REXO2: variants seen among roughly 807,000 people sequenced by gnomAD.
REXO2 encodes the protein oligoribonuclease, mitochondrial.
A neutral mutation model predicts 30.9 loss-of-function variants in REXO2; 17 were observed. That is an observed-to-expected ratio of 0.55 (90% CI 0.38 to 0.82). The LOEUF (loss-of-function observed/expected upper bound fraction) is 0.82. Ranked by LOEUF, REXO2 falls within the 40% of genes least tolerant of loss-of-function variation. The probability of loss-of-function intolerance (pLI) is 0.00; values close to 1 mark genes in which losing one functional copy is unlikely to be tolerated. For missense variants in REXO2, 253 were observed against 293.2 expected, an observed-to-expected ratio of 0.86 and a Z score of 1.00; for synonymous variants, 105 against 99.6, an observed-to-expected ratio of 1.05 and a Z score of -0.32.
At chr11:114,445,209 T>C (rs1946504285) in intron 4 of REXO2, 2 of 152,226 alleles carry the variant, frequency 1.3e-5, no homozygotes, top group African/African-American at 4.8e-5. Flanking sequence ...CATTTAGTTA[T>C]ATTTCTTTAG....
At chr11:114,444,285 A>G in intron 3 of REXO2, 1 of 622,614 alleles carries the variant, frequency 1.6e-6, no homozygotes, top group Non-Finnish European at 3.0e-6. Flanking sequence ...AGAGGTTAAT[A>G]TCCTTGGACT....
At position 114,439,472 on chromosome 11, in the gene REXO2, T is replaced by C; in HGVS notation, c.-57T>C. The stretch of plus-strand genomic sequence containing the variant: ...GTGGGTTTGCGACGTTTAGCGACTA[T>C]TGCGCCTGCGCCAGCGCCGGCTGCG... On this transcript the variant is annotated 5_prime_UTR_variant, in exon 1 of 7. Coordinates refer to ENST00000265881, the MANE Select transcript of REXO2 (RefSeq NM_015523.4). 1.9e-6 allele frequency: 3 copies of C among 1,587,840 alleles called. No individual in the cohort carries two copies. Among genetic ancestry groups the C allele is most frequent in the Admixed American group, 1.7e-5 (1 of 57,992 alleles).
intron 6 of REXO2, among the ~76,000 whole-genome samples, chr11:114,449,433 A>G (rs1232152875): frequency 1.1e-5 from 1 of 92,046 alleles, no homozygotes; most frequent in East Asian, 3.5e-4. Context: ...TAATTTTAGA[A>G]AATTAATAAA....
intron 5 of REXO2, among the ~76,000 whole-genome samples, chr11:114,447,109 T>A (rs901086575): frequency 1.3e-5 from 2 of 151,972 alleles, no homozygotes; most frequent in African/African-American, 4.8e-5. Context: ...CGGCTAATTT[T>A]TTGTATTTTT....
Position 114,443,892 on chromosome 11 carries a change from C to T in REXO2, c.268C>T (p.Leu90=), listed in dbSNP as rs778185959. ...NLIIKQPDEL[L]DSMSDWCKEH... is the part of the protein sequence containing the mutation. Reference sequence around the variant, plus strand: ...GATTATAAAACAACCAGATGAGTTGCTGGACAGCATGTCAGATTGGTGTAA... The same window carrying T: ...GATTATAAAACAACCAGATGAGTTGTTGGACAGCATGTCAGATTGGTGTAA... Residue 90 remains leucine, a synonymous_variant, in exon 3 of 7, where the codon CTG becomes TTG. Transcript: ENST00000265881. The T allele has an allele frequency of 1.9e-6, 3 of 1,609,542 alleles. No individual in the cohort carries two copies. Among genetic ancestry groups the T allele is most frequent in the Non-Finnish European group, 2.5e-6 (3 of 1,177,960 alleles).
chr11:114,439,552 C>T lies in REXO2; in HGVS notation c.24C>T (p.Ser8=), dbSNP rs1247437689. Residue 8 remains serine, a synonymous_variant, in exon 1 of 7, where the codon TCC becomes TCT. Transcript: ENST00000265881. MLGGSLG[S]RLLRGVGGSH... ...TGATGCTAGGCGGCTCCCTGGGCTC[C>T]AGGCTGTTGCGGGGTGTAGGTGGGA... The T allele has an allele frequency of 6.2e-7, 1 of 1,608,836 alleles. No homozygotes were observed.
intron 2 of REXO2, 153 bp downstream of exon 2, chr11:114,440,892 C>T: frequency 2.0e-6 from 1 of 501,766 alleles, no homozygotes; most frequent in Non-Finnish European, 3.5e-6. Flanking sequence ...GGTACTAGAA[C>T]CAAAGTAATC....
At chr11:114,448,480 C>G (rs1201600385) in intron 6 of REXO2, among the ~76,000 whole-genome samples, 1 of 152,124 alleles carries the variant, frequency 6.6e-6, no homozygotes, top group Non-Finnish European at 1.5e-5. Flanking sequence ...GTACCTTGCA[C>G]AGTTATAGGC....
intron 1 of REXO2, 102 bp downstream of exon 1, chr11:114,439,777 A>G (rs1946462340): frequency 1.5e-6 from 2 of 1,354,712 alleles, no homozygotes; most frequent in Admixed American, 3.0e-5. Context: ...TCTGGGTCTC[A>G]GGTGTGGCAG....
intron 2 of REXO2, chr11:114,442,018 G>A (rs1454261743): frequency 1.4e-5 from 7 of 492,556 alleles, no homozygotes; most frequent in Non-Finnish European, 2.1e-5. Context: ...CCTTTAGACT[G>A]TTGATATAAT....
rs552056184 is a variant in REXO2, at chr11:114,441,096, T to G, written c.231+357T>G. The G allele has an allele frequency of 1.8e-4, 32 of 173,746 alleles. No homozygotes were observed. In the East Asian group the frequency reaches 4.5e-3, roughly 24 times the overall value. The allele number at this position is 173,746 out of a possible 1,614,324, so 10.8% of individuals were successfully genotyped here. On this transcript the variant is annotated intron_variant, in intron 2 of 6. Transcript: ENST00000265881. Reference sequence around the variant, plus strand: ...GTTAGTTATTGTTATAATGCTCATTTGATGGATGAGGACACTTGAGCATAG... The same window carrying G: ...GTTAGTTATTGTTATAATGCTCATTGGATGGATGAGGACACTTGAGCATAG...
chr11:114,439,739 C>G, intron 1 of REXO2, 64 bp downstream of exon 1: 1 of 1,429,042 alleles, frequency 7.0e-7, no homozygotes, highest in Non-Finnish European at 9.1e-7. Flanking sequence ...ACCGAGGAGT[C>G]GAGCCCGTCC....
intron 3 of REXO2, chr11:114,444,193 A>G (rs551041856): frequency 2.4e-5 from 15 of 614,840 alleles, no homozygotes; most frequent in South Asian, 2.3e-4. Flanking sequence ...AGTATTACTC[A>G]AGTCAGTCTT....
chr11:114,449,940 A>T lies in REXO2; in HGVS notation c.679A>T (p.Ile227Leu). ...AATAGATGAAAAGAAGAGGAAAATT[A>T]TAGAAAATGGGGAAAATGAGAAGAC... Reference protein sequence around the residue: ...KKIDEKKRKIIENGENEKTVS With the variant: ...KKIDEKKRKILENGENEKTVS Residue 227 changes from isoleucine (I) to leucine (L), a missense_variant, in exon 7 of 7, where the codon ATA becomes TTA. By Grantham distance (5) the Ile-to-Leu change is conservative. Transcript: ENST00000265881. 3 of 1,609,236 alleles carry T rather than the reference A, an allele frequency of 1.9e-6. No individual in the cohort carries two copies. Among genetic ancestry groups the T allele is most frequent in the Non-Finnish European group, 2.5e-6 (3 of 1,177,428 alleles).
At chr11:114,449,239 G>A (rs1356118924) in intron 6 of REXO2, 1 of 152,200 alleles carries the variant, frequency 6.6e-6, no homozygotes, top group Non-Finnish European at 1.5e-5. Context: ...GTATGGTTAG[G>A]TACTGTTTGA....
chr11:114,449,603 T>G (rs1300869031), intron 6 of REXO2, among the ~76,000 whole-genome samples: 1 of 152,140 alleles, frequency 6.6e-6, no homozygotes, highest in Non-Finnish European at 1.5e-5. Flanking sequence ...TCGCCATCTT[T>G]TGGAACAATT....
chr11:114,439,964 T>C (rs1435343925), intron 1 of REXO2, among the ~76,000 whole-genome samples: 2 of 152,144 alleles, frequency 1.3e-5, no homozygotes, highest in Admixed American at 6.5e-5. Flanking sequence ...CTCTGGCGTC[T>C]CTGGGCTTGG....
At chr11:114,442,420 C>T (rs947189309) in intron 2 of REXO2, among the ~76,000 whole-genome samples, 2 of 151,744 alleles carry the variant, frequency 1.3e-5, no homozygotes, top group Admixed American at 6.6e-5. Flanking sequence ...CTTTTTCCTT[C>T]GTGACTATCA....
intron 5 of REXO2, among the ~76,000 whole-genome samples, chr11:114,446,840 G>A (rs1019511577): frequency 2.6e-5 from 4 of 151,864 alleles, no homozygotes; most frequent in Non-Finnish European, 5.9e-5. Flanking sequence ...AAGGAATGGG[G>A]TTCCTTTGAG....
Sources: allele counts gnomAD v4.1 joint callset (sites outside exome capture counted in the v4.1 genomes callset), GRCh38; gene constraint gnomAD v4.1.1; transcripts MANE v1.5; gene names NCBI Gene and HGNC (gene_info 2026-07-23, HGNC 2026-07-21).